Variants in LCOR observed in about 807,000 individuals in gnomAD.
The protein encoded by LCOR is ligand dependent nuclear receptor corepressor, also known as ligand-dependent corepressor.
In LCOR, 14 loss-of-function variants were observed where a neutral mutation model predicts 64.4. The observed-to-expected ratio is 0.22, with a 90% confidence interval of 0.14 to 0.34. The LOEUF (loss-of-function observed/expected upper bound fraction) is 0.34, where lower values mean the gene tolerates loss of function less well. Among genes scored for constraint, LCOR ranks in the 10% least tolerant of loss-of-function variants. LCOR has a pLI of 1.00. For missense variants in LCOR, 1,686 were observed against 1,765.3 expected, an observed-to-expected ratio of 0.96 and a Z score of 0.80; for synonymous variants, 643 against 642.5, an observed-to-expected ratio of 1.00 and a Z score of -0.01.
chr10:96,843,967 T>C (rs1343505498), intron 2 of LCOR, among the ~76,000 whole-genome samples: 1 of 152,204 alleles, frequency 6.6e-6, no homozygotes, highest in Non-Finnish European at 1.5e-5. Flanking sequence ...TTAACATCTG[T>C]TTTACAGGCG....
At chr10:96,951,962 T>G (rs1254229507) in intron 6 of LCOR, 141 bp from the exon 7 acceptor site, 10 of 590,992 alleles carry the variant, frequency 1.7e-5, no homozygotes, top group Non-Finnish European at 3.0e-5. Context: ...AGGATTTAAT[T>G]GATTTTATAA....
At chr10:96,900,694 C>T (rs1182372957) in intron 2 of LCOR, among the ~76,000 whole-genome samples, 1 of 151,816 alleles carries the variant, frequency 6.6e-6, no homozygotes, top group Non-Finnish European at 1.5e-5. Context: ...GATCATTATT[C>T]CCAATCATAT....
At chr10:96,967,713 GAAAA>G (rs753168603) in intron 7 of LCOR, among the ~76,000 whole-genome samples, 1 of 151,714 alleles carries the variant, frequency 6.6e-6, no homozygotes, top group Non-Finnish European at 1.5e-5. Flanking sequence ...TTTTCTAAAG[GAAAA>G]AAAAGATCTG....
chr10:96,906,923 C>G (rs1564621628), intron 2 of LCOR, among the ~76,000 whole-genome samples: 1 of 152,132 alleles, frequency 6.6e-6, no homozygotes, highest in Non-Finnish European at 1.5e-5. Flanking sequence ...CAGTTTTTGA[C>G]TCATTCATTG....
At chr10:96,880,976 A>G (rs962699074) in intron 2 of LCOR, among the ~76,000 whole-genome samples, 4 of 152,212 alleles carry the variant, frequency 2.6e-5, no homozygotes, top group East Asian at 3.8e-4. Context: ...ATTACATACA[A>G]TGGATGTCTT....
chr10:96,874,846 C>G (rs1008000261), intron 2 of LCOR, among the ~76,000 whole-genome samples: 1 of 151,930 alleles, frequency 6.6e-6, no homozygotes, highest in Non-Finnish European at 1.5e-5. Context: ...CTGTGTTGGC[C>G]AGGATGCTCT....
intron 6 of LCOR, among the ~76,000 whole-genome samples, chr10:96,950,436 C>T (rs973126395): frequency 1.3e-5 from 2 of 151,962 alleles, no homozygotes; most frequent in Non-Finnish European, 2.9e-5. Flanking sequence ...TTTTCTTTTC[C>T]ACAAATTGGT....
rs1418965762 is a variant in LCOR at position 96,981,324 on chromosome 10, G to A, written c.864G>A (p.Leu288=). 10 of 1,602,172 alleles carry A rather than the reference G, an allele frequency of 6.2e-6. No individual in the cohort carries two copies. The highest frequency in any genetic ancestry group is 8.5e-6 in the Non-Finnish European group (10 of 1,170,584). ...SVNFHHIPKI[L]EGQTTGQEQD... Reference sequence around the variant, plus strand: ...ACTTCCACCACATCCCTAAAATCTTGGAGGGGCAGACCACTGGACAAGAGC... The same window carrying A: ...ACTTCCACCACATCCCTAAAATCTTAGAGGGGCAGACCACTGGACAAGAGC... Residue 288 remains leucine (L), a synonymous_variant, in exon 8 of 8, where the codon TTG becomes TTA. Transcript: ENST00000421806.
intron 2 of LCOR, among the ~76,000 whole-genome samples, chr10:96,889,649 C>G (rs543060903): frequency 6.6e-6 from 1 of 152,298 alleles, no homozygotes; most frequent in African/African-American, 2.4e-5. Flanking sequence ...CCTTAGAGAC[C>G]TCATCTCCAA....
chr10:96,907,564 CCTAA>C (rs762591433), intron 3 of LCOR, 100 bp from the exon 4 acceptor site: 3 of 350,182 alleles, frequency 8.6e-6, no homozygotes, highest in African/African-American at 2.2e-5. Context: ...ACAAATATGG[CCTAA>C]CTACTTAGTT....
At chr10:96,860,026 C>T (rs1437549250) in intron 2 of LCOR, among the ~76,000 whole-genome samples, 1 of 152,156 alleles carries the variant, frequency 6.6e-6, no homozygotes, top group Non-Finnish European at 1.5e-5. Flanking sequence ...TAAGATCAGC[C>T]TTCACTTAAG....
intron 2 of LCOR, among the ~76,000 whole-genome samples, chr10:96,884,417 G>A (rs1196899898): frequency 9.2e-5 from 14 of 152,168 alleles, no homozygotes; most frequent in Admixed American, 9.2e-4. Context: ...TAAGCAAGGG[G>A]TTCACTTTGT....
chr10:96,891,497 T>C (rs1156881142), intron 2 of LCOR, among the ~76,000 whole-genome samples: 3 of 146,316 alleles, frequency 2.1e-5, no homozygotes, highest in Non-Finnish European at 4.5e-5. Flanking sequence ...TTTTTTTTTT[T>C]TTTTTGAGAC....
At chr10:96,901,476 A>C (rs1846636413) in intron 2 of LCOR, among the ~76,000 whole-genome samples, 1 of 152,158 alleles carries the variant, frequency 6.6e-6, no homozygotes, top group African/African-American at 2.4e-5. Context: ...TTACCAGGAG[A>C]GTCTACATGT....
chr10:96,973,115 A>G (rs980952491), intron 7 of LCOR, among the ~76,000 whole-genome samples: 8 of 152,298 alleles, frequency 5.3e-5, no homozygotes, highest in South Asian at 4.1e-4. Flanking sequence ...TCTAGGTTCT[A>G]TCTACATCCA....
In LCOR at chr10:96,851,078, A is replaced by G. The variant is rs563163564; in HGVS notation, c.-330+17599A>G. Reference sequence around the variant, plus strand: ...GTTTTCAAGGAGTGAATTTCTTACCAGTCCATTATTACGCTAACAGAAAGG... The same window carrying G: ...GTTTTCAAGGAGTGAATTTCTTACCGGTCCATTATTACGCTAACAGAAAGG... On this transcript the variant is annotated intron_variant, in intron 2 of 7. Coordinates refer to ENST00000421806, the MANE Select transcript of LCOR (RefSeq NM_001346516.2). Among the ~76,000 whole-genome samples, 3 of 152,356 alleles carry G rather than the reference A, an allele frequency of 2.0e-5. No homozygotes were observed. In the East Asian group the frequency reaches 5.8e-4, roughly 29 times the overall value.
rs1848166679 is a variant in LCOR, at chr10:96,988,328, GTC to G, written c.*3195_*3196del. 1 of 152,332 alleles carries G rather than the reference GTC, an allele frequency of 6.6e-6. No individual in the cohort carries two copies. The highest frequency in any genetic ancestry group is 6.5e-5 in the Admixed American group (1 of 15,306). 9.4% of individuals were successfully genotyped at this position (152,332 alleles called of 1,614,324 possible). ...TGCTGTCAGTTTCTGTAAGTCACCA[GTC>G]ACTAGCCCCTTGGATTCCTTGTTAA... On this transcript the variant is annotated 3_prime_UTR_variant, in exon 8 of 8. Transcript: ENST00000421806.
At chr10:96,891,478 G>T (rs1846438945) in intron 2 of LCOR, among the ~76,000 whole-genome samples, 2 of 53,044 alleles carry the variant, frequency 3.8e-5, no homozygotes, top group South Asian at 5.9e-4. Context: ...TGATTTTTCT[G>T]ACTCTTTTTT....
intron 4 of LCOR, among the ~76,000 whole-genome samples, chr10:96,940,844 C>T (rs1445202345): frequency 3.3e-5 from 5 of 150,432 alleles, no homozygotes; most frequent in African/African-American, 7.4e-5. Context: ...ACCTCCCAGA[C>T]GGGGTCGTGG....
Sources: gnomAD v4.1 joint callset for allele counts (sites outside exome capture counted in the v4.1 genomes callset) on GRCh38, gnomAD v4.1.1 for gene constraint, MANE v1.5 for transcripts, NCBI Gene and HGNC (gene_info 2026-07-23, HGNC 2026-07-21) for gene names.